FOXP2: variants seen among roughly 807,000 people sequenced by gnomAD.
The protein encoded by FOXP2 is forkhead box protein P2.
Under a neutral mutation model 115.8 loss-of-function variants are expected in FOXP2, and 12 were observed. The ratio of observed to expected loss-of-function variants is 0.10; its 90% CI spans 0.07 to 0.17. FOXP2 has a LOEUF of 0.17. Among genes scored for constraint, FOXP2 ranks in the 10% least tolerant of loss-of-function variants. The pLI, the probability that FOXP2 is intolerant of heterozygous loss-of-function variation, is 1.00. For synonymous variants in FOXP2, 328 were observed against 297.7 expected, an observed-to-expected ratio of 1.10 and a Z score of -1.05; for missense variants, 629 against 843.5, an observed-to-expected ratio of 0.75 and a Z score of 3.15.
chr7:114,475,948 T>C lies in FOXP2; in HGVS notation c.168+49269T>C, dbSNP rs556918865. Among the ~76,000 whole-genome samples, 3 of 152,106 alleles carry C rather than the reference T, an allele frequency of 2.0e-5. No individual in the cohort carries two copies. In the East Asian group the frequency reaches 5.8e-4, roughly 29 times the overall value. ...GAATTTTCAGCATCACACAACCATG[T>C]AACAAACATATACATGTACCCCCTA... On this transcript the variant is annotated intron_variant, in intron 2 of 16. Transcript: ENST00000350908.
intron 16 of FOXP2, among the ~76,000 whole-genome samples, chr7:114,687,522 C>T (rs901068712): frequency 1.3e-5 from 2 of 152,160 alleles, no homozygotes; most frequent in South Asian, 2.1e-4. Context: ...TAATTTTTCT[C>T]GCTTTTTCAA....
At chr7:114,332,484 A>G (rs536120460) in intron 2 of FOXP2, among the ~76,000 whole-genome samples, 2 of 152,136 alleles carry the variant, frequency 1.3e-5, no homozygotes, top group African/African-American at 2.4e-5. Flanking sequence ...TATATACATT[A>G]TATCTTGATT....
intron 1 of FOXP2, among the ~76,000 whole-genome samples, chr7:114,248,180 C>CAGAGAGAGAGAGAGAGAG (rs71314647): frequency 6.9e-6 from 1 of 145,964 alleles, no homozygotes. Context: ...AGCTTAAAAA[C>CAGAGAGAGAGAGAGAGAG]AGAGAGAGAG....
At chr7:114,265,243 G>T (rs766374933) in intron 1 of FOXP2, among the ~76,000 whole-genome samples, 21 of 152,156 alleles carry the variant, frequency 1.4e-4, no homozygotes, top group Non-Finnish European at 2.5e-4. Context: ...AAGATACAAT[G>T]GGGGTATAGG....
Position 114,516,092 on chromosome 7 carries a change from G to A in FOXP2, c.169-18525G>A, listed in dbSNP as rs200257602. Among the ~76,000 whole-genome samples the A allele has an allele frequency of 6.6e-4, 100 of 152,126 alleles. 1 individual carries two copies. In the East Asian group the frequency reaches 0.013, roughly 20 times the overall value. On this transcript the variant is annotated intron_variant, in intron 2 of 16. Coordinates refer to ENST00000350908, the MANE Select transcript of FOXP2 (RefSeq NM_014491.4). ...TTCATATGAAACCAAAAAAGAGCCC[G>A]CATCGCCAAGTCAACCCTAAGCCAA...
At chr7:114,501,247 G>A (rs1305715210) in intron 2 of FOXP2, among the ~76,000 whole-genome samples, 1 of 152,014 alleles carries the variant, frequency 6.6e-6, no homozygotes, top group East Asian at 1.9e-4. Flanking sequence ...AGGTTATTAA[G>A]GTTAGTTACG....
intron 2 of FOXP2, among the ~76,000 whole-genome samples, chr7:114,294,546 A>T (rs1052697014): frequency 6.6e-6 from 1 of 152,182 alleles, no homozygotes; most frequent in Admixed American, 6.5e-5. Flanking sequence ...ACATTTAAAA[A>T]AAATAAATTC....
At chr7:114,687,625 G>T (rs1808433624) in intron 16 of FOXP2, among the ~76,000 whole-genome samples, 1 of 152,138 alleles carries the variant, frequency 6.6e-6, no homozygotes, top group Non-Finnish European at 1.5e-5. Context: ...TATGTTTTAT[G>T]ACTGCAGCGA....
chr7:114,601,487 T>C (rs1390926945), intron 3 of FOXP2, among the ~76,000 whole-genome samples: 1 of 152,130 alleles, frequency 6.6e-6, no homozygotes, highest in African/African-American at 2.4e-5. Context: ...ATTTCATTAA[T>C]TTCTATTCTT....
At chr7:114,458,338 G>T (rs940857215) in intron 2 of FOXP2, among the ~76,000 whole-genome samples, 5 of 151,408 alleles carry the variant, frequency 3.3e-5, no homozygotes, top group African/African-American at 1.2e-4. Context: ...GCATAATCTT[G>T]TGTATTCCCA....
At chr7:114,629,530 T>C in intron 4 of FOXP2, 1 of 1,374,592 alleles carries the variant, frequency 7.3e-7, no homozygotes, top group Non-Finnish European at 1.0e-6. Flanking sequence ...GATGTAATAA[T>C]TTAAAGTATT....
intron 1 of FOXP2, among the ~76,000 whole-genome samples, chr7:114,102,243 G>A (rs1307794679): frequency 1.3e-5 from 2 of 151,828 alleles, no homozygotes; most frequent in African/African-American, 4.8e-5. Flanking sequence ...AGTGTTTTCT[G>A]AGTTTGGAGG....
At chr7:114,093,630 C>CT (rs986730199) in intron 1 of FOXP2, among the ~76,000 whole-genome samples, 89 of 144,644 alleles carry the variant, frequency 6.2e-4, no homozygotes, top group East Asian at 1.8e-3. Flanking sequence ...TTACTTTTTA[C>CT]TTTTTTTTTT....
chr7:114,103,471 C>T, intron 1 of FOXP2, among the ~76,000 whole-genome samples: 1 of 151,936 alleles, frequency 6.6e-6, no homozygotes, highest in East Asian at 1.9e-4. Context: ...CTTGCCTAGT[C>T]TGTGTAGAGG....
intron 2 of FOXP2, among the ~76,000 whole-genome samples, chr7:114,458,214 G>T (rs1157112473): frequency 6.6e-6 from 1 of 150,882 alleles, no homozygotes; most frequent in Non-Finnish European, 1.5e-5. Flanking sequence ...AAGGGAATGT[G>T]TTGTTAATGG....
Position 114,211,236 on chromosome 7 carries a change from T to A in FOXP2, c.-102+48148T>A, listed in dbSNP as rs566084561. On this transcript the variant is annotated intron_variant, in intron 1 of 17. Transcript: ENST00000634411. ...GGCAGGTTTCCTGCCTTACCAGGGA[T>A]CCCGGGGCCAGAGTATGTAAAACTC... Among the ~76,000 whole-genome samples, 3 of 152,270 alleles carry A rather than the reference T, an allele frequency of 2.0e-5. No individual in the cohort carries two copies. The South Asian group carries it at 6.2e-4, about 32-fold the overall frequency.
At chr7:114,386,102 G>A (rs1792443716) in intron 2 of FOXP2, among the ~76,000 whole-genome samples, 2 of 152,204 alleles carry the variant, frequency 1.3e-5, no homozygotes, top group African/African-American at 2.4e-5. Flanking sequence ...CGTATCAGGA[G>A]CTCAGCGGAC....
At chr7:114,562,257 A>G (rs541445191) in intron 3 of FOXP2, among the ~76,000 whole-genome samples, 2 of 152,316 alleles carry the variant, frequency 1.3e-5, no homozygotes, top group South Asian at 4.1e-4. Flanking sequence ...GAGAATCACA[A>G]TATCAGGCAG....
At chr7:114,265,196 A>T (rs1368882794) in intron 1 of FOXP2, among the ~76,000 whole-genome samples, 1 of 152,152 alleles carries the variant, frequency 6.6e-6, no homozygotes, top group Non-Finnish European at 1.5e-5. Flanking sequence ...CCTTCCACCT[A>T]TGAGCCTATA....
Sources: allele counts gnomAD v4.1 joint callset (sites outside exome capture counted in the v4.1 genomes callset), GRCh38; gene constraint gnomAD v4.1.1; transcripts MANE v1.5; gene names NCBI Gene and HGNC (gene_info 2026-07-23, HGNC 2026-07-21).